MUC22: variants seen among roughly 807,000 people sequenced by gnomAD.
The protein encoded by MUC22 is mucin-22.
Under a neutral mutation model 40.3 loss-of-function variants are expected in MUC22, and 24 were observed. That is an observed-to-expected ratio of 0.60 (90% CI 0.43 to 0.84). The LOEUF (loss-of-function observed/expected upper bound fraction) is 0.84, where lower values mean the gene tolerates loss of function less well. MUC22 is among the 40% of genes least tolerant of loss of function. The pLI is 0.00. For synonymous variants in MUC22, 765 were observed against 844.5 expected (o/e 0.91, Z 1.63); for missense variants, 1,926 against 2,130.7 (o/e 0.90, Z 1.89).
At chr6:31,008,474 G>C (rs1763653520), upstream of MUC22, among the ~76,000 whole-genome samples, 2 of 152,152 alleles carry the variant, frequency 1.3e-5, no homozygotes, top group Admixed American at 1.3e-4. Context: ...GGGGAAAACA[G>C]TCCTGAGAGG....
intron 1 of MUC22, among the ~76,000 whole-genome samples, chr6:31,023,844 A>C (rs1268597395): frequency 6.6e-6 from 1 of 152,176 alleles, no homozygotes; most frequent in East Asian, 1.9e-4. Flanking sequence ...GTATATTATT[A>C]GGGATAAAGA....
At chr6:31,029,095 G>C (rs901900482) in exon 2 of MUC22, 1 of 1,534,058 alleles carries the variant, frequency 6.5e-7, no homozygotes, top group African/African-American at 1.4e-5. Context: ...CACTACTATG[G>C]GCTCTGAGAC....
intron 1 of MUC22, among the ~76,000 whole-genome samples, chr6:31,020,918 G>A (rs544380506): frequency 1.4e-3 from 214 of 152,356 alleles, no homozygotes; most frequent in African/African-American, 5.0e-3. Flanking sequence ...GCCCACTGGC[G>A]CTGCACTGGA....
intron 1 of MUC22, among the ~76,000 whole-genome samples, chr6:31,011,000 C>G (rs1028346743): frequency 5.3e-5 from 8 of 151,752 alleles, no homozygotes; most frequent in African/African-American, 1.5e-4. Flanking sequence ...TAGTCTCCCC[C>G]AGCTGTGGTT....
intron 1 of MUC22, among the ~76,000 whole-genome samples, chr6:31,020,620 G>A (rs1018546138): frequency 6.6e-5 from 10 of 152,064 alleles, no homozygotes; most frequent in African/African-American, 2.2e-4. Flanking sequence ...CCACTTTGGC[G>A]GCACTTGAGG....
intron 3 of MUC22, among the ~76,000 whole-genome samples, chr6:31,034,158 C>T (rs943821465): frequency 2.0e-5 from 3 of 152,186 alleles, no homozygotes; most frequent in African/African-American, 7.2e-5. Context: ...CTATTTGCCC[C>T]AGCACATGTA....
rs1766148885 is a variant in MUC22, at chr6:31,032,585, A to C, written c.5055+4A>C. 3 of 1,531,012 alleles carry C rather than the reference A, an allele frequency of 2.0e-6. No homozygotes were observed. The South Asian group carries it at 3.6e-5, about 18-fold the overall frequency. 94.8% of individuals were successfully genotyped at this position (1,531,012 alleles called of 1,614,324 possible). A position where few individuals can be genotyped will look rare whatever the true frequency, so the allele number is the denominator to read the frequency against. On this transcript the variant is annotated splice_donor_region_variant and intron_variant, in intron 3 of 3. Transcript: ENST00000561890. The surrounding 1 kb of genome is among the most constrained non-coding windows in gnomAD (Gnocchi z 4.1). ...AGTAGGACTGAGTTTTTGTCTGGTG[A>C]GTACCCAGGGTGGGTTCATAGGGGA...
Position 31,011,585 on chromosome 6 carries a change from C to T in MUC22, c.70+809C>T, listed in dbSNP as rs1161227259. ...ATATATATGCCAGTTTCTTTATCCA[C>T]CGTTGATTGATGGGCATTTGGGTTC... On this transcript the variant is annotated intron_variant, in intron 1 of 3. Transcript: ENST00000561890. This position sits in a 1 kb window ranked among gnomAD's most constrained non-coding sequence, Gnocchi z 4.5. Among the ~76,000 whole-genome samples the T allele has an allele frequency of 6.6e-6, 1 of 152,160 alleles. No individual in the cohort carries two copies. Among genetic ancestry groups the T allele is most frequent in the Non-Finnish European group, 1.5e-5 (1 of 68,038 alleles).
Position 31,028,215 on chromosome 6 carries a change from A to C in MUC22, c.2784A>C (p.Val928=), listed in dbSNP as rs1368376284. Residue 928 remains valine (V), a synonymous_variant, in exon 2 of 4, where the codon GTA becomes GTC. Coordinates refer to ENST00000561890, the Ensembl canonical transcript of MUC22. ...CTGAAGGCTCTGAGACCACTACAGT[A>C]TCTGCCACAGGCTCTGAGACCACAG... 6 of 1,526,730 alleles carry C rather than the reference A, an allele frequency of 3.9e-6. No individual in the cohort carries two copies. In the African/African-American group the frequency reaches 7.2e-5, roughly 18 times the overall value. 94.6% of individuals were successfully genotyped at this position (1,526,730 alleles called of 1,614,324 possible).
At chr6:31,018,217 AAACCCT>A (rs939670002) in intron 1 of MUC22, among the ~76,000 whole-genome samples, 3 of 152,206 alleles carry the variant, frequency 2.0e-5, no homozygotes, top group African/African-American at 7.2e-5. Context: ...TCCAGAGATA[AAACCCT>A]AAGCTGTTAA....
At chr6:31,020,813 A>G (rs9262508) in intron 1 of MUC22, among the ~76,000 whole-genome samples, 61,321 of 151,978 alleles carry the variant, frequency 0.4, 12,647 homozygotes, top group East Asian at 0.58. Flanking sequence ...CCCGCACTCG[A>G]AGCAGCCAGC....
intron 1 of MUC22, among the ~76,000 whole-genome samples, chr6:31,023,982 T>C (rs1765075518): frequency 6.6e-6 from 1 of 152,250 alleles, no homozygotes; most frequent in Non-Finnish European, 1.5e-5. Context: ...ACATTGATAT[T>C]ATCTGTCACC....
In MUC22 at chr6:31,011,748, T is replaced by C. The variant is rs779144458; in HGVS notation, c.70+972T>C. ...CAAATGGTAGATCTACTTTTAGTTC[T>C]TTAAGAAATCTCCACACTGTTTTCC... On this transcript the variant is annotated intron_variant, in intron 1 of 3. Coordinates refer to ENST00000561890, the Ensembl canonical transcript of MUC22. The surrounding 1 kb of genome is among the most constrained non-coding windows in gnomAD (Gnocchi z 4.5). Among the ~76,000 whole-genome samples, 1 of 152,264 alleles carries C rather than the reference T, an allele frequency of 6.6e-6. No individual in the cohort carries two copies. The highest frequency in any genetic ancestry group is 1.5e-5 in the Non-Finnish European group (1 of 68,046).
exon 2 of MUC22, chr6:31,029,511 C>T (rs1765842170): frequency 2.0e-6 from 3 of 1,533,176 alleles, no homozygotes; most frequent in Non-Finnish European, 1.7e-6. Flanking sequence ...CAGTCTATAT[C>T]ACAGGCTCTA....
In MUC22 at chr6:31,027,040, G is replaced by A. The variant is rs868419299; in HGVS notation, c.1609G>A (p.Ala537Thr). The stretch of plus-strand genomic sequence containing the variant: ...CTCTACTACAGGGTTTGAGACAACC[G>A]CAGCCTCTACTACAGGCTCTGAGCC... The change falls in exon 2 of 4, where the codon GCA becomes ACA. Residue 537 changes from alanine to threonine, a missense_variant. Physicochemically the swap from Ala to Thr is moderately conservative, Grantham distance 58. Around this residue, in one of 3 missense-constraint regions of MUC22, gnomAD observed 1,281 missense variants for 1,337.8 expected, o/e 0.96. Transcript: ENST00000561890. The A allele has an allele frequency of 9.7e-5, 145 of 1,497,960 alleles. 14 individuals carry two copies. Among genetic ancestry groups the A allele is most frequent in the East Asian group, 3.2e-4 (13 of 40,534 alleles). 92.8% of individuals were successfully genotyped at this position (1,497,960 alleles called of 1,614,324 possible).
At chr6:31,006,237 C>T, upstream of MUC22, 1 of 273,634 alleles carries the variant, frequency 3.7e-6, no homozygotes, top group South Asian at 3.0e-5. Context: ...ATAAATTGAA[C>T]ACAGAGTCTT....
chr6:31,021,664 C>G (rs1212390177), intron 1 of MUC22, among the ~76,000 whole-genome samples: 1 of 152,020 alleles, frequency 6.6e-6, no homozygotes, highest in African/African-American at 2.4e-5. Context: ...TGTCCATATT[C>G]TGTATCTAAC....
At chr6:31,017,487 C>G (rs1009868763) in intron 1 of MUC22, among the ~76,000 whole-genome samples, 2 of 152,076 alleles carry the variant, frequency 1.3e-5, no homozygotes, top group Non-Finnish European at 2.9e-5. Context: ...CACCAGTAAG[C>G]ACCCTGTGTC....
chr6:31,027,267 C>G lies in MUC22; in HGVS notation c.1836C>G (p.Gly612=), dbSNP rs1362580823. 4 of 1,515,786 alleles carry G rather than the reference C, an allele frequency of 2.6e-6. No individual in the cohort carries two copies. In the African/African-American group the frequency reaches 5.5e-5, roughly 21 times the overall value. The allele number at this position is 1,515,786 out of a possible 1,614,324, so 93.9% of individuals were successfully genotyped here. A position where few individuals can be genotyped will look rare whatever the true frequency, so the allele number is the denominator to read the frequency against. Reference sequence around the variant, plus strand: ...AGACCACCACAGCCTCCATCATGGGCTCTGAGACCAGCACAGATTCTACCA... The same window carrying G: ...AGACCACCACAGCCTCCATCATGGGGTCTGAGACCAGCACAGATTCTACCA... Residue 612 remains glycine, a synonymous_variant, in exon 2 of 4, where the codon GGC becomes GGG. Coordinates refer to ENST00000561890, the Ensembl canonical transcript of MUC22.
Sources: gnomAD v4.1 joint callset for allele counts (sites outside exome capture counted in the v4.1 genomes callset) on GRCh38, gnomAD v4.1.1 for gene constraint, gnomAD v4.1.1 regional missense constraint, Gnocchi (gnomAD v3.1) non-coding constraint, MANE v1.5 for transcripts, NCBI Gene and HGNC (gene_info 2026-07-23, HGNC 2026-07-21) for gene names.